PRUNE2: variants seen among roughly 807,000 people sequenced by gnomAD.
The protein encoded by PRUNE2 is protein prune homolog 2.
A neutral mutation model predicts 252.0 loss-of-function variants in PRUNE2; 164 were observed. The observed-to-expected ratio is 0.65, with a 90% CI of 0.57 to 0.74. The LOEUF (loss-of-function observed/expected upper bound fraction) is 0.74. PRUNE2 is among the 30% of genes least tolerant of loss of function. The pLI, the probability that PRUNE2 is intolerant of heterozygous loss-of-function variation, is 0.00. For synonymous variants in PRUNE2, 1,292 were observed against 1,350.2 expected (o/e 0.96, Z 0.94); for missense variants, 3,495 against 3,711.0 (o/e 0.94, Z 1.51).
intron 1 of PRUNE2, among the ~76,000 whole-genome samples, chr9:76,868,217 T>C (rs1411689587): frequency 2.0e-5 from 3 of 152,200 alleles, no homozygotes; most frequent in Non-Finnish European, 4.4e-5. Flanking sequence ...ATAGGACATT[T>C]ATAGTAACTT....
intron 6 of PRUNE2, among the ~76,000 whole-genome samples, chr9:76,720,605 T>TA (rs397955054): frequency 1.8e-4 from 27 of 149,684 alleles, no homozygotes; most frequent in Non-Finnish European, 3.0e-4. Flanking sequence ...CCTGTTTTTT[T>TA]ATTATTATTT....
At chr9:76,700,876 G>A (rs1458209314) in intron 9 of PRUNE2, among the ~76,000 whole-genome samples, 6 of 152,236 alleles carry the variant, frequency 3.9e-5, no homozygotes, top group East Asian at 1.9e-4. Context: ...GTGAAATAGC[G>A]CAGAGTGCTT....
chr9:76,653,504 C>A (rs1304105685), intron 10 of PRUNE2, among the ~76,000 whole-genome samples: 1 of 152,094 alleles, frequency 6.6e-6, no homozygotes, highest in Non-Finnish European at 1.5e-5. Context: ...ATGTTCAGTA[C>A]AGATGCGATT....
chr9:76,704,151 A>G, intron 8 of PRUNE2, 52 bp from the exon 9 acceptor site: 12 of 1,279,834 alleles, frequency 9.4e-6, no homozygotes, highest in Non-Finnish European at 1.2e-5. Context: ...TAATTAACAC[A>G]TTGTGTGATT....
In PRUNE2 at chr9:76,875,567, T is replaced by A. The variant is rs542056943; in HGVS notation, c.37-21359A>T. ...TTTTAGTAGAGACGGGGTTTCACCA[T>A]ATTGGCCAGGCTGGTCTCAAACTCC... On this transcript the variant is annotated intron_variant, in intron 1 of 18. Transcript: ENST00000376718. 1.3e-3 allele frequency among the ~76,000 whole-genome samples: 192 copies of A among 152,096 alleles called. 1 individual carries two copies. Among genetic ancestry groups the A allele is most frequent in the African/African-American group, 4.5e-3 (185 of 41,476 alleles).
intron 6 of PRUNE2, chr9:76,738,202 AG>A (rs2049251376): frequency 1.3e-5 from 2 of 152,220 alleles, no homozygotes; most frequent in East Asian, 3.9e-4. Context: ...AATCACTGTG[AG>A]GGGATATTTA....
intron 7 of PRUNE2, 81 bp downstream of exon 7, chr9:76,713,482 C>A: frequency 8.7e-7 from 1 of 1,151,580 alleles, no homozygotes. Context: ...AGCCACCAAT[C>A]TGTTCTGTCT....
chr9:76,709,586 T>C lies in PRUNE2; in HGVS notation c.2688A>G (p.Pro896=). Residue 896 remains proline (P), a synonymous_variant, in exon 8 of 19, where the codon CCA becomes CCG. Transcript: ENST00000376718. ...CCACTAAACCATTCTGATCTTCTTT[T>C]GGTGGCTTAGAATTAGTCCATGTGT... The part of the protein sequence containing the change: ...LDHTWTNSKP[P]KEDQNGLVDP... 6.2e-6 allele frequency: 10 copies of C among 1,613,980 alleles called. No homozygotes were observed. Among genetic ancestry groups the C allele is most frequent in the Non-Finnish European group, 8.5e-6 (10 of 1,179,896 alleles).
intron 9 of PRUNE2, among the ~76,000 whole-genome samples, chr9:76,670,675 G>T (rs977831457): frequency 6.6e-6 from 1 of 152,048 alleles, no homozygotes; most frequent in African/African-American, 2.4e-5. Context: ...GAAGAGAGCA[G>T]TGGTTCTCCC....
intron 2 of PRUNE2, 103 bp from the exon 3 acceptor site, chr9:76,850,768 T>A (rs1251604092): frequency 5.9e-6 from 5 of 842,754 alleles, no homozygotes; most frequent in Non-Finnish European, 9.6e-6. Context: ...AATAGGAGTC[T>A]TCTGGCCTCA....
intron 6 of PRUNE2, among the ~76,000 whole-genome samples, chr9:76,816,361 A>T (rs2057695800): frequency 6.6e-6 from 1 of 152,136 alleles, no homozygotes; most frequent in Admixed American, 6.5e-5. Flanking sequence ...TTCTTTACAC[A>T]GGGATTTTTT....
At chr9:76,885,857 T>C (rs1043314073) in intron 1 of PRUNE2, among the ~76,000 whole-genome samples, 4 of 150,304 alleles carry the variant, frequency 2.7e-5, no homozygotes, top group African/African-American at 9.8e-5. Context: ...ATTTTTTTTT[T>C]ATTATACTTT....
intron 6 of PRUNE2, among the ~76,000 whole-genome samples, chr9:76,764,233 CAAACAAAT>C (rs1477598157): frequency 7.1e-4 from 108 of 151,846 alleles, no homozygotes; most frequent in East Asian, 1.9e-3. Context: ...AGAAAACAAA[CAAACAAAT>C]AAATAAATAA....
intron 4 of PRUNE2, among the ~76,000 whole-genome samples, chr9:76,840,280 G>A (rs1360408530): frequency 6.6e-6 from 1 of 152,152 alleles, no homozygotes; most frequent in African/African-American, 2.4e-5. Context: ...GGAACACATT[G>A]AAAGTGACCT....
At chr9:76,629,421 ATT>A in intron 15 of PRUNE2, 131 bp from the exon 16 acceptor site, 1 of 537,996 alleles carries the variant, frequency 1.9e-6, no homozygotes, top group Non-Finnish European at 3.3e-6. Context: ...GGCTAACATT[ATT>A]TGACGAGTTA....
At chr9:76,715,567 T>C (rs1054719658) in intron 6 of PRUNE2, among the ~76,000 whole-genome samples, 8 of 152,206 alleles carry the variant, frequency 5.3e-5, no homozygotes, top group African/African-American at 1.9e-4. Flanking sequence ...GTAATGACAT[T>C]TATGATCATA....
intron 1 of PRUNE2, among the ~76,000 whole-genome samples, chr9:76,872,600 AACACAC>A (rs71354690): frequency 0.055 from 7,712 of 139,306 alleles, 234 homozygotes; most frequent in Middle Eastern, 0.098. Context: ...GATTATGGAA[AACACAC>A]ACACACACAC....
intron 6 of PRUNE2, among the ~76,000 whole-genome samples, chr9:76,774,332 T>C (rs895937324): frequency 1.5e-4 from 23 of 151,888 alleles, no homozygotes; most frequent in African/African-American, 5.3e-4. Context: ...AAGATGGGGT[T>C]TCACCATGTT....
chr9:76,709,876 A>G lies in PRUNE2; in HGVS notation c.2398T>C (p.Trp800Arg), dbSNP rs1158347876. Residue 800 changes from tryptophan to arginine, a missense_variant, in exon 8 of 19, where the codon TGG becomes CGG. Trp to Arg is a moderately radical substitution (Grantham distance 101). Transcript: ENST00000376718. Reference protein sequence around the residue: ...EPAAVAPFPAWSAFGKEDHDE... With the variant: ...EPAAVAPFPARSAFGKEDHDE... ...TGATCTTCTTTACCAAATGCACTCC[A>G]GGCTGGGAATGGCGCCACAGCTGCT... 6.2e-7 allele frequency: 1 copy of G among 1,613,936 alleles called. No homozygotes were observed. Among genetic ancestry groups the G allele is most frequent in the Non-Finnish European group, 8.5e-7 (1 of 1,179,878 alleles).
Sources: gnomAD v4.1 joint callset for allele counts (sites outside exome capture counted in the v4.1 genomes callset) on GRCh38, gnomAD v4.1.1 for gene constraint, MANE v1.5 for transcripts, NCBI Gene and HGNC (gene_info 2026-07-23, HGNC 2026-07-21) for gene names.